The following GUCY2F variants were observed in gnomAD, a reference collection of about 807,000 sequenced individuals.
GUCY2F encodes retinal guanylyl cyclase 2.
A neutral mutation model predicts 73.1 loss-of-function variants in GUCY2F; 61 were observed. The ratio of observed to expected loss-of-function variants is 0.83; its 90% CI spans 0.68 to 1.03. GUCY2F has a LOEUF of 1.03. GUCY2F is among the 50% of genes least tolerant of loss of function. The pLI, the probability that GUCY2F is intolerant of heterozygous loss-of-function variation, is 0.00. For missense variants in GUCY2F, 912 were observed against 854.3 expected, an observed-to-expected ratio of 1.07 and a Z score of -0.84; for synonymous variants, 331 against 307.8, an observed-to-expected ratio of 1.08 and a Z score of -0.79.
intron 5 of GUCY2F, among the ~76,000 whole-genome samples, chrX:109,451,738 G>A (rs1309063247): frequency 2.7e-5 from 3 of 111,642 alleles, no homozygotes; most frequent in African/African-American, 9.8e-5. Flanking sequence ...ATAGGGAGTA[G>A]ACAGGCCCTA....
chrX:109,428,251 G>A (rs750531952), intron 8 of GUCY2F, among the ~76,000 whole-genome samples: 1 of 112,087 alleles, frequency 8.9e-6, no homozygotes, highest in African/African-American at 3.2e-5. Flanking sequence ...TCCAGTGGAG[G>A]AACTTGGCAG....
At chrX:109,467,630 G>A (rs1932496465) in intron 2 of GUCY2F, among the ~76,000 whole-genome samples, 1 of 112,204 alleles carries the variant, frequency 8.9e-6, no homozygotes, top group Non-Finnish European at 1.9e-5. Flanking sequence ...TCCACCAGCT[G>A]CTGGGTGTGT....
In GUCY2F at chrX:109,453,866, T is replaced by C. The variant is rs1022084169; in HGVS notation, c.1033-7A>G. The C allele has an allele frequency of 1.9e-6, 2 of 1,062,649 alleles. No homozygotes were observed. Among genetic ancestry groups the C allele is most frequent in the Non-Finnish European group, 2.6e-6 (2 of 779,603 alleles). The allele number at this position is 1,062,649 out of a possible 1,213,427, so 87.6% of individuals were successfully genotyped here. On this transcript the variant is annotated splice_region_variant and splice_polypyrimidine_tract_variant and intron_variant, in intron 3 of 19. Transcript: ENST00000218006. The stretch of plus-strand genomic sequence containing the variant: ...TTCCAAACAACGGTGAAACCTATTT[T>C]TAAAAATTACAATTATCTTGAGCCC...
intron 7 of GUCY2F, among the ~76,000 whole-genome samples, chrX:109,434,388 A>G (rs993148978): frequency 3.4e-4 from 37 of 109,134 alleles, no homozygotes; most frequent in African/African-American, 1.2e-3. Flanking sequence ...TTCCCACACA[A>G]TTCCAAAGGT....
At chrX:109,385,161 C>G in intron 16 of GUCY2F, 23 bp downstream of exon 16, 1 of 834,267 alleles carries the variant, frequency 1.2e-6, no homozygotes, top group Non-Finnish European at 1.8e-6. Flanking sequence ...GCCATCCTAT[C>G]CATCTCTCTA....
chrX:109,460,287 C>T (rs1932336708), intron 3 of GUCY2F, among the ~76,000 whole-genome samples: 1 of 111,625 alleles, frequency 9.0e-6, no homozygotes, highest in South Asian at 3.7e-4. Context: ...ACCAATACAG[C>T]ATATCATGTG....
chrX:109,471,075 T>C (rs1480266352), intron 2 of GUCY2F, among the ~76,000 whole-genome samples: 1 of 112,121 alleles, frequency 8.9e-6, no homozygotes, highest in East Asian at 2.8e-4. Context: ...TACAAGAATC[T>C]TCAATAAATG....
intron 8 of GUCY2F, among the ~76,000 whole-genome samples, chrX:109,428,156 T>C (rs1931529728): frequency 8.9e-6 from 1 of 112,146 alleles, no homozygotes; most frequent in South Asian, 3.7e-4. Context: ...GGGTAAAACT[T>C]TGATGAAGAA....
At chrX:109,419,811 TAGAC>T (rs1369758694) in intron 8 of GUCY2F, among the ~76,000 whole-genome samples, 4 of 109,841 alleles carry the variant, frequency 3.6e-5, no homozygotes, top group African/African-American at 9.9e-5. Context: ...GTGGAAGTAA[TAGAC>T]AGGCTGATTT....
chrX:109,396,672 A>C (rs745477561), intron 11 of GUCY2F, among the ~76,000 whole-genome samples: 1 of 112,004 alleles, frequency 8.9e-6, no homozygotes, highest in African/African-American at 3.2e-5. Context: ...ATAACACTCC[A>C]ACAGTGCTGC....
chrX:109,388,756 T>C (rs952952984), intron 14 of GUCY2F, 93 bp from the exon 15 acceptor site: 1 of 541,395 alleles, frequency 1.8e-6, no homozygotes, highest in Admixed American at 2.8e-5. Flanking sequence ...CAGGTGGTCT[T>C]GTTGTAAAGT....
chrX:109,431,906 GAAAAAAAAAAAA>G (rs747439751), intron 7 of GUCY2F, among the ~76,000 whole-genome samples: 3 of 79,128 alleles, frequency 3.8e-5, no homozygotes, highest in African/African-American at 1.4e-4. Context: ...TCAGCAGCTG[GAAAAAAAAAAAA>G]AAAAGAAAAA....
rs750805978 is a variant in GUCY2F at position 109,453,508 on chromosome X, C to T, written c.1384G>A (p.Gly462Arg). The T allele has an allele frequency of 4.2e-6, 5 of 1,181,083 alleles. No homozygotes were observed. Among genetic ancestry groups the T allele is most frequent in the African/African-American group, 1.8e-5 (1 of 57,100 alleles). The change falls in exon 4 of 20, where the codon GGA (glycine) becomes AGA (arginine). Residue 462 changes from glycine (G) to arginine (R), a missense_variant. By Grantham distance (125) the Gly-to-Arg change is moderately radical. Coordinates refer to ENST00000218006, the MANE Select transcript of GUCY2F (RefSeq NM_001522.3). ...CWFAEGKICHGGIDPAFAMMV... is the reference protein window; with the variant it reads ...CWFAEGKICHRGIDPAFAMMV... ...CTAGTGATTTTGCATTCCTTACCTCCATGGCAGATCTTCCCTTCTGCAAAC... is the reference window on the plus strand; with the variant it reads ...CTAGTGATTTTGCATTCCTTACCTCTATGGCAGATCTTCCCTTCTGCAAAC...
intron 9 of GUCY2F, among the ~76,000 whole-genome samples, chrX:109,407,381 G>C (rs185680372): frequency 4.0e-4 from 45 of 113,108 alleles, no homozygotes; most frequent in African/African-American, 1.4e-3. Flanking sequence ...GCTGTTAAAA[G>C]CATTCTGTTT....
At chrX:109,426,991 G>C (rs922893243) in intron 8 of GUCY2F, among the ~76,000 whole-genome samples, 1 of 111,945 alleles carries the variant, frequency 8.9e-6, no homozygotes, top group South Asian at 3.8e-4. Context: ...TGCTAAAACA[G>C]AGAATGGCAT....
chrX:109,465,197 G>T lies in GUCY2F; in HGVS notation c.977C>A (p.Ala326Asp), dbSNP rs773631270. The T allele has an allele frequency of 8.3e-7, 1 of 1,209,818 alleles. No homozygotes were observed. Among genetic ancestry groups the T allele is most frequent in the Non-Finnish European group, 1.1e-6 (1 of 893,704 alleles). ...ACCTCTTGCTGCTGCCTCTGTGAAG[G>T]CTTGATAGAAGGTCTTTTCTTGGGA... ...VESQEKTFYQ[A>D]FTEAAARGEI... Residue 326 changes from alanine (A) to aspartate (D), a missense_variant, in exon 3 of 20, where the codon GCC becomes GAC. Transcript: ENST00000218006.
At chrX:109,447,472 G>C (rs1351140906) in intron 6 of GUCY2F, among the ~76,000 whole-genome samples, 1 of 110,292 alleles carries the variant, frequency 9.1e-6, no homozygotes, top group African/African-American at 3.3e-5. Flanking sequence ...CATGTCCTTT[G>C]TAGGGACATG....
intron 2 of GUCY2F, among the ~76,000 whole-genome samples, chrX:109,468,756 G>T (rs900229148): frequency 9.0e-6 from 1 of 111,600 alleles, no homozygotes; most frequent in Non-Finnish European, 1.9e-5. Context: ...ATAATCACAG[G>T]CTCCTCTATT....
intron 17 of GUCY2F, among the ~76,000 whole-genome samples, chrX:109,378,682 G>A (rs1311123819): frequency 9.0e-6 from 1 of 111,432 alleles, no homozygotes; most frequent in African/African-American, 3.3e-5. Context: ...GAGTGGGAAA[G>A]ACTGGGGAAA....
Sources: gnomAD v4.1 joint callset for allele counts (sites outside exome capture counted in the v4.1 genomes callset) on GRCh38, gnomAD v4.1.1 for gene constraint, MANE v1.5 for transcripts, NCBI Gene and HGNC (gene_info 2026-07-23, HGNC 2026-07-21) for gene names.